CNTN1: variants seen among roughly 807,000 people sequenced by gnomAD.
The protein encoded by CNTN1 is contactin 1, also known as contactin-1.
In CNTN1, 38 loss-of-function variants were observed where a neutral mutation model predicts 126.4. The observed-to-expected ratio is 0.30, with a 90% CI of 0.23 to 0.39. The LOEUF is 0.39. Ranked by LOEUF, CNTN1 falls within the 10% of genes least tolerant of loss-of-function variation. The probability of loss-of-function intolerance (pLI) is 1.00; values close to 1 mark genes in which losing one functional copy is unlikely to be tolerated. For missense variants in CNTN1, 1,009 were observed against 1,248.4 expected, an observed-to-expected ratio of 0.81 and a Z score of 2.89; for synonymous variants, 413 against 422.6, an observed-to-expected ratio of 0.98 and a Z score of 0.28.
intron 23 of CNTN1, among the ~76,000 whole-genome samples, chr12:41,051,878 C>T (rs1287654961): frequency 6.8e-6 from 1 of 147,584 alleles, no homozygotes; most frequent in East Asian, 2.0e-4. Flanking sequence ...CATCTCCTAA[C>T]ATCCACCCCA....
chr12:40,993,098 A>G (rs1345919672), intron 16 of CNTN1, 22 bp from the exon 17 acceptor site: 1 of 1,602,336 alleles, frequency 6.2e-7, no homozygotes, highest in Non-Finnish European at 8.6e-7. Context: ...TGTATTCTCT[A>G]TTTACTATTT....
chr12:40,914,066 A>G lies in CNTN1; in HGVS notation c.94+3961A>G, dbSNP rs1389939487. ...TAGTAAAAAAAAGGAATGTATTAAA[A>G]AATAATTTTAGTTTTTAAAAACACA... On this transcript the variant is annotated intron_variant, in intron 3 of 23. Transcript: ENST00000551295. Among the ~76,000 whole-genome samples, 3 of 152,234 alleles carry G rather than the reference A, an allele frequency of 2.0e-5. No homozygotes were observed. The East Asian group carries it at 5.8e-4, about 29-fold the overall frequency.
At chr12:40,827,405 G>T (rs1446985708) in intron 1 of CNTN1, among the ~76,000 whole-genome samples, 2 of 141,618 alleles carry the variant, frequency 1.4e-5, no homozygotes, top group African/African-American at 2.6e-5. Flanking sequence ...TCTAAAAAAG[G>T]TTATTCAAAT....
intron 1 of CNTN1, among the ~76,000 whole-genome samples, chr12:40,805,464 T>C (rs1336425483): frequency 6.6e-6 from 1 of 152,100 alleles, no homozygotes; most frequent in African/African-American, 2.4e-5. Flanking sequence ...ATCAAAGAAA[T>C]TCTTAATTTC....
intron 20 of CNTN1, among the ~76,000 whole-genome samples, chr12:41,023,873 G>T (rs1040704525): frequency 6.6e-6 from 1 of 152,152 alleles, no homozygotes; most frequent in African/African-American, 2.4e-5. Context: ...GTTGTTAATT[G>T]TTTGTTTTCA....
intron 1 of CNTN1, among the ~76,000 whole-genome samples, chr12:40,814,789 A>G (rs760168437): frequency 1.2e-4 from 18 of 152,148 alleles, no homozygotes; most frequent in Non-Finnish European, 2.4e-4. Context: ...TACCTTGGGC[A>G]TATGGACATT....
intron 5 of CNTN1, among the ~76,000 whole-genome samples, chr12:40,924,330 G>T (rs1592264120): frequency 6.6e-6 from 1 of 152,032 alleles, no homozygotes; most frequent in African/African-American, 2.4e-5. Context: ...TCTTATGCAG[G>T]CTGCTCCCAA....
intron 17 of CNTN1, among the ~76,000 whole-genome samples, chr12:41,005,598 T>C (rs556455554): frequency 1.1e-4 from 17 of 152,300 alleles, no homozygotes; most frequent in African/African-American, 3.6e-4. Flanking sequence ...TCACATATTT[T>C]TTGAATTTTT....
At chr12:40,919,063 G>T (rs1348731387) in intron 4 of CNTN1, among the ~76,000 whole-genome samples, 1 of 152,028 alleles carries the variant, frequency 6.6e-6, no homozygotes, top group Admixed American at 6.6e-5. Context: ...CCCATGAATG[G>T]TTACATAAAA....
At chr12:40,773,320 A>G (rs1320224039) in intron 1 of CNTN1, among the ~76,000 whole-genome samples, 3 of 151,756 alleles carry the variant, frequency 2.0e-5, no homozygotes, top group Non-Finnish European at 4.4e-5. Context: ...TTAGAAAACG[A>G]TAGTTAAGTC....
chr12:40,728,216 A>G (rs1344423356), intron 1 of CNTN1, among the ~76,000 whole-genome samples: 1 of 152,196 alleles, frequency 6.6e-6, no homozygotes, highest in African/African-American at 2.4e-5. Context: ...TGTTTTTTTC[A>G]TGAAACAGGA....
At chr12:40,897,258 T>G (rs933084136) in intron 1 of CNTN1, among the ~76,000 whole-genome samples, 19 of 152,172 alleles carry the variant, frequency 1.2e-4, no homozygotes, top group Non-Finnish European at 2.2e-4. Flanking sequence ...TTTGGATATA[T>G]GTTCTTTACA....
chr12:40,708,283 G>A (rs1382031006), intron 1 of CNTN1, among the ~76,000 whole-genome samples: 2 of 152,180 alleles, frequency 1.3e-5, no homozygotes, highest in African/African-American at 2.4e-5. Context: ...TTTCAATAAA[G>A]AGAGTCACAC....
chr12:40,871,413 G>A (rs757155848), intron 1 of CNTN1, among the ~76,000 whole-genome samples: 4 of 152,094 alleles, frequency 2.6e-5, no homozygotes, highest in Non-Finnish European at 5.9e-5. Flanking sequence ...ATTTTATAGA[G>A]AGTAGACTAC....
intron 19 of CNTN1, 95 bp from the exon 20 acceptor site, chr12:41,020,242 T>C (rs1948876694): frequency 1.4e-6 from 1 of 734,760 alleles, no homozygotes; most frequent in Non-Finnish European, 2.3e-6. Context: ...AAAATTAAAG[T>C]ATGGTCCAAC....
intron 1 of CNTN1, among the ~76,000 whole-genome samples, chr12:40,857,589 A>G (rs1942957460): frequency 6.6e-6 from 1 of 152,182 alleles, no homozygotes; most frequent in African/African-American, 2.4e-5. Context: ...GCTCCAGTAG[A>G]GAAATGAAGT....
At position 40,981,013 on chromosome 12, in the gene CNTN1, T is replaced by C; in HGVS notation, c.1909T>C (p.Tyr637His). 6.2e-7 allele frequency: 1 copy of C among 1,613,624 alleles called. No homozygotes were observed. Among genetic ancestry groups the C allele is most frequent in the East Asian group, 2.2e-5 (1 of 44,868 alleles). ...GSDNHSPISK[Y>H]TIQTKTILSD... ...AGACAATCATAGTCCTATTTCTAAA[T>C]ACACTATCCAGACCAAGACTATTCT... Residue 637 changes from tyrosine to histidine, a missense_variant, in exon 16 of 24, where the codon TAC becomes CAC. Transcript: ENST00000551295.
intron 17 of CNTN1, among the ~76,000 whole-genome samples, chr12:41,001,607 T>C (rs1948362304): frequency 6.6e-6 from 1 of 152,226 alleles, no homozygotes; most frequent in African/African-American, 2.4e-5. Flanking sequence ...TTTAATTAGA[T>C]CTAATTTGCC....
At chr12:40,984,475 G>A (rs28581358) in intron 16 of CNTN1, among the ~76,000 whole-genome samples, 17,853 of 152,168 alleles carry the variant, frequency 0.12, 1,100 homozygotes, top group Non-Finnish European at 0.12. Context: ...AAAGCAAATT[G>A]GCTTGTCACA....
Sources: gnomAD v4.1 joint callset for allele counts (sites outside exome capture counted in the v4.1 genomes callset) on GRCh38, gnomAD v4.1.1 for gene constraint, MANE v1.5 for transcripts, NCBI Gene and HGNC (gene_info 2026-07-23, HGNC 2026-07-21) for gene names.